The following C12orf50 variants were observed in gnomAD, a reference collection of about 807,000 sequenced individuals.
The protein encoded by C12orf50 is uncharacterized protein C12orf50.
Under a neutral mutation model 61.6 loss-of-function variants are expected in C12orf50, and 35 were observed. The ratio of observed to expected loss-of-function variants is 0.57; its 90% CI spans 0.43 to 0.75. The LOEUF (loss-of-function observed/expected upper bound fraction) is 0.75, where lower values mean the gene tolerates loss of function less well. Ranked by LOEUF, C12orf50 falls within the 30% of genes least tolerant of loss-of-function variation. C12orf50 has a pLI of 0.00. For missense variants in C12orf50, 475 were observed against 488.5 expected (o/e 0.97, Z 0.26); for synonymous variants, 178 against 161.5 (o/e 1.10, Z -0.77).
At chr12:88,021,899 G>A (rs545069032) in intron 3 of C12orf50, among the ~76,000 whole-genome samples, 1 of 152,086 alleles carries the variant, frequency 6.6e-6, no homozygotes, top group Admixed American at 6.5e-5. Context: ...TCATAGCCGA[G>A]TTATATCAGA....
At chr12:87,990,089 A>G (rs2031045941) in intron 7 of C12orf50, among the ~76,000 whole-genome samples, 1 of 151,876 alleles carries the variant, frequency 6.6e-6, no homozygotes, top group African/African-American at 2.4e-5. Context: ...AAAAAAACTC[A>G]CTCTATTTTC....
At chr12:87,991,853 CT>C (rs2031137625) in intron 7 of C12orf50, among the ~76,000 whole-genome samples, 1 of 152,176 alleles carries the variant, frequency 6.6e-6, no homozygotes, top group African/African-American at 2.4e-5. Flanking sequence ...GAAATATTGT[CT>C]GTCAAATCCC....
intron 3 of C12orf50, among the ~76,000 whole-genome samples, chr12:88,021,822 C>A (rs571123963): frequency 1.4e-4 from 22 of 152,096 alleles, no homozygotes; most frequent in African/African-American, 5.3e-4. Context: ...GAGACCAATA[C>A]TGAGTTCTAT....
chr12:88,020,245 A>G (rs1202714870), intron 3 of C12orf50, among the ~76,000 whole-genome samples: 5 of 152,234 alleles, frequency 3.3e-5, no homozygotes. Flanking sequence ...ACAGAGTTGC[A>G]AGCTCGATAA....
At chr12:88,014,868 T>C (rs2032253375) in intron 3 of C12orf50, among the ~76,000 whole-genome samples, 1 of 152,196 alleles carries the variant, frequency 6.6e-6, no homozygotes, top group South Asian at 2.1e-4. Flanking sequence ...CTCTTATAAC[T>C]CCACTTCATT....
At chr12:88,013,209 G>A (rs1283959529) in intron 3 of C12orf50, among the ~76,000 whole-genome samples, 1 of 151,498 alleles carries the variant, frequency 6.6e-6, no homozygotes, top group Admixed American at 6.6e-5. Context: ...TTGGATGGGG[G>A]AAAAAAAATA....
At chr12:87,985,356 A>G (rs2030752889) in intron 11 of C12orf50, 1 of 155,848 alleles carries the variant, frequency 6.4e-6, no homozygotes, top group Non-Finnish European at 1.4e-5. Context: ...TTTGCCTATT[A>G]CATGATGAAA....
chr12:88,006,483 A>G (rs1310010017), intron 3 of C12orf50, among the ~76,000 whole-genome samples: 1 of 152,232 alleles, frequency 6.6e-6, no homozygotes, highest in Non-Finnish European at 1.5e-5. Flanking sequence ...GAGCAAGGAC[A>G]GTCACTTAAT....
chr12:88,011,058 C>A (rs2032090504), intron 3 of C12orf50, among the ~76,000 whole-genome samples: 1 of 152,052 alleles, frequency 6.6e-6, no homozygotes, highest in Non-Finnish European at 1.5e-5. Flanking sequence ...AAAAGCATAA[C>A]TTCATGTCAC....
At chr12:88,005,871 G>A (rs1047778689) in intron 3 of C12orf50, among the ~76,000 whole-genome samples, 2 of 146,554 alleles carry the variant, frequency 1.4e-5, no homozygotes, top group African/African-American at 5.0e-5. Context: ...AGAAGTAGTA[G>A]ACTAAAGATT....
intron 8 of C12orf50, among the ~76,000 whole-genome samples, chr12:87,988,290 G>T (rs991454568): frequency 6.6e-6 from 1 of 152,080 alleles, no homozygotes; most frequent in Admixed American, 6.6e-5. Context: ...CATTTAAATT[G>T]GGGTTCTGAA....
At chr12:87,983,396 TTTATTA>T (rs776198993) in intron 11 of C12orf50, 2 of 342,420 alleles carry the variant, frequency 5.8e-6, no homozygotes, top group East Asian at 1.0e-4. Flanking sequence ...TTTTGTTTTT[TTTATTA>T]TTATTATACT....
intron 3 of C12orf50, among the ~76,000 whole-genome samples, chr12:87,998,541 G>A (rs540287522): frequency 6.6e-6 from 1 of 152,238 alleles, no homozygotes; most frequent in East Asian, 1.9e-4. Context: ...TTAAAGAAAT[G>A]TTGAAATGGA....
Position 87,994,615 on chromosome 12 carries a change from A to G in C12orf50, c.592+18T>C, listed in dbSNP as rs1167762700. 1 of 1,483,320 alleles carries G rather than the reference A, an allele frequency of 6.7e-7. No homozygotes were observed. The allele number at this position is 1,483,320 out of a possible 1,614,324, so 91.9% of individuals were successfully genotyped here. On this transcript the variant is annotated intron_variant, in intron 7 of 12. Coordinates refer to ENST00000298699, the MANE Select transcript of C12orf50 (RefSeq NM_152589.3). ...TGTGGTGATATATTCAGGGTCAATC[A>G]GTAATAAATTAACTCACCTCCATTT...
At chr12:88,010,428 TATA>T (rs1296238031) in intron 3 of C12orf50, among the ~76,000 whole-genome samples, 1 of 127,280 alleles carries the variant, frequency 7.9e-6, no homozygotes, top group Non-Finnish European at 1.5e-5. Flanking sequence ...TTAAAATTAT[TATA>T]ATCTTATAAT....
chr12:88,027,855 T>C (rs964310772), intron 1 of C12orf50: 4 of 152,208 alleles, frequency 2.6e-5, no homozygotes, highest in African/African-American at 9.6e-5. Flanking sequence ...TTGTTCTTTA[T>C]CTTTTATCTC....
intron 3 of C12orf50, among the ~76,000 whole-genome samples, chr12:88,012,126 C>T (rs927730700): frequency 6.6e-6 from 1 of 152,170 alleles, no homozygotes; most frequent in Admixed American, 6.5e-5. Flanking sequence ...CCAGTTAAAA[C>T]ATTTAGCACT....
At chr12:88,027,253 C>T (rs568895598) in intron 1 of C12orf50, among the ~76,000 whole-genome samples, 183 bp from the exon 2 acceptor site, 13 of 152,242 alleles carry the variant, frequency 8.5e-5, no homozygotes, top group Admixed American at 7.2e-4. Flanking sequence ...AGTGAGAAAG[C>T]AACAAGATAG....
At chr12:88,006,832 T>C (rs1257628848) in intron 3 of C12orf50, among the ~76,000 whole-genome samples, 1 of 152,210 alleles carries the variant, frequency 6.6e-6, no homozygotes, top group Non-Finnish European at 1.5e-5. Flanking sequence ...TCTGTGTTCT[T>C]GGCTGTATCC....
Sources: allele counts gnomAD v4.1 joint callset (sites outside exome capture counted in the v4.1 genomes callset), GRCh38; gene constraint gnomAD v4.1.1; transcripts MANE v1.5; gene names NCBI Gene and HGNC (gene_info 2026-07-23, HGNC 2026-07-21).